The following TANC1 variants were observed in gnomAD, a reference collection of about 807,000 sequenced individuals.
TANC1 encodes protein TANC1.
In TANC1, 77 loss-of-function variants were observed where a neutral mutation model predicts 149.7. The observed-to-expected ratio is 0.51, with a 90% CI of 0.43 to 0.62. The LOEUF is 0.62. Among genes scored for constraint, TANC1 ranks in the 20% least tolerant of loss-of-function variants. The probability of loss-of-function intolerance (pLI) is 0.00; values close to 1 mark genes in which losing one functional copy is unlikely to be tolerated. For synonymous variants in TANC1, 854 were observed against 925.0 expected (o/e 0.92, Z 1.39); for missense variants, 1,985 against 2,321.8 (o/e 0.85, Z 2.98).
At chr2:159,178,140 G>A (rs531289912) in intron 13 of TANC1, among the ~76,000 whole-genome samples, 6 of 152,248 alleles carry the variant, frequency 3.9e-5, no homozygotes, top group Admixed American at 6.5e-5. Flanking sequence ...TTATCTTGGC[G>A]TCTGGCCGTG....
chr2:159,080,652 C>T (rs2044177498), intron 3 of TANC1, among the ~76,000 whole-genome samples: 1 of 152,188 alleles, frequency 6.6e-6, no homozygotes, highest in Non-Finnish European at 1.5e-5. Flanking sequence ...GACTGGTTCC[C>T]CAAAGGCCTA....
At chr2:159,120,772 G>C (rs1190949907) in intron 4 of TANC1, among the ~76,000 whole-genome samples, 2 of 152,144 alleles carry the variant, frequency 1.3e-5, no homozygotes, top group East Asian at 3.9e-4. Flanking sequence ...ACTAATTTTT[G>C]TATTTTTTTG....
chr2:159,094,097 A>T (rs2045834714), intron 3 of TANC1, among the ~76,000 whole-genome samples: 1 of 152,168 alleles, frequency 6.6e-6, no homozygotes, highest in African/African-American at 2.4e-5. Context: ...AAATTAAAGG[A>T]CTTGAAATCT....
Position 159,207,697 on chromosome 2 carries a change from CAAAAAAAAAAAA to C in TANC1, c.3244+8663_3244+8674del, listed in dbSNP as rs10603858. Among the ~76,000 whole-genome samples, 300 of 49,444 alleles carry C rather than the reference CAAAAAAAAAAAA, an allele frequency of 6.1e-3. 4 individuals carry two copies. Among genetic ancestry groups the C allele is most frequent in the African/African-American group, 0.034 (284 of 8,374 alleles). 32.4% of individuals were successfully genotyped at this position (49,444 alleles called of 152,430 possible). On this transcript the variant is annotated intron_variant, in intron 19 of 26. Transcript: ENST00000263635. ...CTGGGCGACTGAGCAACACGTGTCT[CAAAAAAAAAAAA>C]AAAAAAAAAAAAAAAAAACAACTCA...
intron 2 of TANC1, among the ~76,000 whole-genome samples, chr2:159,033,491 G>T (rs1559153140): frequency 6.6e-6 from 1 of 152,182 alleles, no homozygotes; most frequent in Non-Finnish European, 1.5e-5. Flanking sequence ...CCCAGGAGCA[G>T]CCCAGGTTGC....
chr2:159,198,272 A>G lies in TANC1; in HGVS notation c.3166-703A>G, dbSNP rs188289488. On this transcript the variant is annotated intron_variant, in intron 18 of 26. Transcript: ENST00000263635. ...CATCTGCAATTCCTTCTTGCCCTGT[A>G]AGGTCACATTCACAGGCTTTGAAGA... 1.2e-4 allele frequency among the ~76,000 whole-genome samples: 18 copies of G among 152,336 alleles called. No homozygotes were observed. In the East Asian group the frequency reaches 3.3e-3, roughly 28 times the overall value.
intron 3 of TANC1, among the ~76,000 whole-genome samples, chr2:159,069,676 G>A (rs2042970169): frequency 6.6e-6 from 1 of 150,982 alleles, no homozygotes; most frequent in South Asian, 2.1e-4. Context: ...TTTTTGTACA[G>A]CAACACTGTT....
intron 19 of TANC1, among the ~76,000 whole-genome samples, chr2:159,212,919 C>CAAAAAAA (rs35369711): frequency 8.7e-6 from 1 of 114,998 alleles, no homozygotes; most frequent in African/African-American, 3.4e-5. Context: ...GACACCGTCT[C>CAAAAAAA]AAAAAAAAAA....
chr2:159,058,177 G>C (rs1240370680), intron 2 of TANC1, among the ~76,000 whole-genome samples: 2 of 152,164 alleles, frequency 1.3e-5, no homozygotes, highest in Non-Finnish European at 2.9e-5. Context: ...ATTGATTTCA[G>C]ATTTTTGGCT....
At position 159,141,596 on chromosome 2, in the gene TANC1, T is replaced by C. The variant is rs2051375190; in HGVS notation, c.364+5298T>C. ...AGTTTCAGGCATGGAGACTTCAAAG[T>C]GCTGGTGGAACATCTTCGCAAGTGT... On this transcript the variant is annotated intron_variant, in intron 5 of 26. Transcript: ENST00000263635. Among the ~76,000 whole-genome samples, 3 of 152,186 alleles carry C rather than the reference T, an allele frequency of 2.0e-5. No individual in the cohort carries two copies. In the South Asian group the frequency reaches 6.2e-4, roughly 32 times the overall value.
intron 4 of TANC1, among the ~76,000 whole-genome samples, chr2:159,100,291 GT>G (rs1303020469): frequency 2.0e-5 from 3 of 152,276 alleles, no homozygotes; most frequent in African/African-American, 7.2e-5. Flanking sequence ...GGGACTTTAG[GT>G]GGGATTGAAT....
At chr2:159,044,469 A>G (rs1467097738) in intron 2 of TANC1, among the ~76,000 whole-genome samples, 1 of 152,008 alleles carries the variant, frequency 6.6e-6, no homozygotes, top group Non-Finnish European at 1.5e-5. Flanking sequence ...GCGAGGCTGG[A>G]GGCTCCTAAT....
intron 19 of TANC1, among the ~76,000 whole-genome samples, chr2:159,215,021 G>C (rs1396068384): frequency 1.3e-5 from 2 of 152,256 alleles, no homozygotes; most frequent in South Asian, 4.1e-4. Context: ...TCTGTGATGA[G>C]GCCACTGAAG....
At chr2:159,168,151 T>G (rs1344507967) in intron 8 of TANC1, among the ~76,000 whole-genome samples, 1 of 152,144 alleles carries the variant, frequency 6.6e-6, no homozygotes, top group Non-Finnish European at 1.5e-5. Context: ...AATTTTAGAT[T>G]TTCCTCAATG....
intron 4 of TANC1, among the ~76,000 whole-genome samples, chr2:159,130,110 A>C (rs1364326857): frequency 6.6e-6 from 1 of 152,136 alleles, no homozygotes; most frequent in Non-Finnish European, 1.5e-5. Context: ...TTGTCAGCTA[A>C]TACCAGACGG....
intron 3 of TANC1, among the ~76,000 whole-genome samples, chr2:159,074,518 A>G (rs545504519): frequency 6.6e-6 from 1 of 152,134 alleles, no homozygotes; most frequent in Non-Finnish European, 1.5e-5. Flanking sequence ...CCACCTGCAC[A>G]CAGGGTCTTC....
At chr2:159,197,433 A>G (rs147877816) in intron 18 of TANC1, among the ~76,000 whole-genome samples, 2 of 152,284 alleles carry the variant, frequency 1.3e-5, no homozygotes, top group Non-Finnish European at 2.9e-5. Context: ...TCTTACTCTG[A>G]ATTATCTTCA....
At chr2:159,130,048 C>CG (rs1428420402) in intron 4 of TANC1, among the ~76,000 whole-genome samples, 2 of 152,044 alleles carry the variant, frequency 1.3e-5, no homozygotes, top group Non-Finnish European at 2.9e-5. Context: ...CCGGGGGCGG[C>CG]GGGGGACTGG....
chr2:159,197,582 C>G (rs1224931681), intron 18 of TANC1, among the ~76,000 whole-genome samples: 1 of 151,802 alleles, frequency 6.6e-6, no homozygotes, highest in Non-Finnish European at 1.5e-5. Context: ...TAGTGGCTGG[C>G]TAATTTCTGG....
Sources: allele counts gnomAD v4.1 joint callset (sites outside exome capture counted in the v4.1 genomes callset), GRCh38; gene constraint gnomAD v4.1.1; transcripts MANE v1.5; gene names NCBI Gene and HGNC (gene_info 2026-07-23, HGNC 2026-07-21).